CLYBL: variants seen among roughly 807,000 people sequenced by gnomAD.
CLYBL encodes citramalyl-CoA lyase, also known as citramalyl-CoA lyase, mitochondrial.
A neutral mutation model predicts 38.9 loss-of-function variants in CLYBL; 31 were observed. The ratio of observed to expected loss-of-function variants is 0.80; its 90% CI spans 0.60 to 1.08. The LOEUF (loss-of-function observed/expected upper bound fraction) is 1.08, where lower values mean the gene tolerates loss of function less well. CLYBL is among the 50% of genes least tolerant of loss of function. The probability of loss-of-function intolerance (pLI) is 0.00; values close to 1 mark genes in which losing one functional copy is unlikely to be tolerated. For synonymous variants in CLYBL, 171 were observed against 158.6 expected (o/e 1.08, Z -0.59); for missense variants, 434 against 411.6 (o/e 1.05, Z -0.47).
At chr13:99,800,861 G>A (rs2050117454) in intron 2 of CLYBL, among the ~76,000 whole-genome samples, 1 of 147,424 alleles carries the variant, frequency 6.8e-6, no homozygotes, top group South Asian at 2.1e-4. Context: ...GCGGCAGAGT[G>A]AGACCCTGTC....
At chr13:99,615,007 T>G (rs567687482) in intron 1 of CLYBL, among the ~76,000 whole-genome samples, 1 of 152,332 alleles carries the variant, frequency 6.6e-6, no homozygotes, top group Admixed American at 6.5e-5. Flanking sequence ...TCTAGAAATA[T>G]TTCATGGTAG....
At chr13:99,871,179 A>T in intron 7 of CLYBL, 117 bp downstream of exon 7, 1 of 1,177,222 alleles carries the variant, frequency 8.5e-7, no homozygotes, top group South Asian at 1.3e-5. Flanking sequence ...GAGAGGGGGG[A>T]AAGGGAGGGA....
chr13:99,787,777 A>G (rs2049828822), intron 2 of CLYBL, among the ~76,000 whole-genome samples: 1 of 152,212 alleles, frequency 6.6e-6, no homozygotes, highest in Non-Finnish European at 1.5e-5. Flanking sequence ...TTGAATCTAT[A>G]AATTACCTTG....
intron 1 of CLYBL, among the ~76,000 whole-genome samples, chr13:99,634,336 A>G (rs2074254581): frequency 6.6e-6 from 1 of 152,202 alleles, no homozygotes; most frequent in African/African-American, 2.4e-5. Context: ...GAATCTGACT[A>G]TGAGAAATGC....
intron 1 of CLYBL, among the ~76,000 whole-genome samples, chr13:99,706,601 T>C (rs1386791751): frequency 6.6e-6 from 1 of 152,208 alleles, no homozygotes; most frequent in Non-Finnish European, 1.5e-5. Context: ...GCATTCAGTC[T>C]AAATTCAATA....
Position 99,676,014 on chromosome 13 carries a change from C to G in CLYBL, c.62+69257C>G, listed in dbSNP as rs905524157. 4.6e-5 allele frequency among the ~76,000 whole-genome samples: 7 copies of G among 152,162 alleles called. 1 individual carries two copies. The highest frequency in any genetic ancestry group is 1.2e-4 in the African/African-American group (5 of 41,436). On this transcript the variant is annotated intron_variant, in intron 1 of 8. Transcript: ENST00000339105. ...GATCACAGGCACTGTGCCTCCACGC[C>G]TGGCTAATTTTTTGTATTTTTAGTA...
intron 1 of CLYBL, among the ~76,000 whole-genome samples, chr13:99,706,000 C>T (rs149100618): frequency 0.046 from 6,977 of 151,414 alleles, 180 homozygotes; most frequent in African/African-American, 0.054. Flanking sequence ...GGCATGATCT[C>T]GGCTCACTGC....
rs73564243 is a variant in CLYBL at position 99,664,804 on chromosome 13, G to A, written c.62+58047G>A. On this transcript the variant is annotated intron_variant, in intron 1 of 8. Transcript: ENST00000339105. ...TCTATAAAATATGACCAAAAAAACCGGGAAAATAAAATCATCTGATCATGT... is the reference window on the plus strand; with the variant it reads ...TCTATAAAATATGACCAAAAAAACCAGGAAAATAAAATCATCTGATCATGT... Among the ~76,000 whole-genome samples the A allele has an allele frequency of 4.7e-3, 721 of 152,100 alleles. 3 individuals are homozygous for A. The highest frequency in any genetic ancestry group is 0.017 in the African/African-American group (691 of 41,500).
chr13:99,665,678 G>A (rs775579948), intron 1 of CLYBL, among the ~76,000 whole-genome samples: 2 of 151,812 alleles, frequency 1.3e-5, no homozygotes, highest in African/African-American at 2.4e-5. Flanking sequence ...TCTGAGAATC[G>A]AATCGAGCTT....
chr13:99,762,193 TG>T (rs1486650604), intron 1 of CLYBL, among the ~76,000 whole-genome samples: 1 of 152,226 alleles, frequency 6.6e-6, no homozygotes, highest in African/African-American at 2.4e-5. Flanking sequence ...TTGTCTTTTT[TG>T]CTTTGGTTGC....
intron 1 of CLYBL, among the ~76,000 whole-genome samples, chr13:99,644,283 TG>T (rs1190457595): frequency 6.6e-6 from 1 of 151,728 alleles, no homozygotes; most frequent in African/African-American, 2.4e-5. Flanking sequence ...TATGTATGCA[TG>T]TGCAAGCTCT....
chr13:99,749,362 GC>G (rs1018127863), intron 1 of CLYBL, among the ~76,000 whole-genome samples: 7 of 152,132 alleles, frequency 4.6e-5, no homozygotes, highest in African/African-American at 1.4e-4. Context: ...CTCTTGCCAA[GC>G]CTGTCCTTTA....
Position 99,680,186 on chromosome 13 carries a change from C to T in CLYBL, c.62+73429C>T, listed in dbSNP as rs78915189. ...AATGAAAAGCATTCTTTATAAACAT[C>T]GTCTTCCTCCACACATTCACAGGTT... On this transcript the variant is annotated intron_variant, in intron 1 of 8. Coordinates refer to ENST00000339105, the MANE Select transcript of CLYBL (RefSeq NM_206808.5). Among the ~76,000 whole-genome samples, 746 of 152,288 alleles carry T rather than the reference C, an allele frequency of 4.9e-3. 6 individuals carry two copies. The highest frequency in any genetic ancestry group is 0.017 in the African/African-American group (711 of 41,560).
intron 1 of CLYBL, among the ~76,000 whole-genome samples, chr13:99,682,385 G>T (rs1360425696): frequency 6.6e-6 from 1 of 152,040 alleles, no homozygotes; most frequent in Non-Finnish European, 1.5e-5. Flanking sequence ...CTTGTGGTCT[G>T]CCCACCTTGG....
intron 1 of CLYBL, among the ~76,000 whole-genome samples, chr13:99,763,852 C>T (rs1051021138): frequency 9.9e-5 from 15 of 152,030 alleles, no homozygotes; most frequent in African/African-American, 3.4e-4. Flanking sequence ...CGCACCCGGC[C>T]GATCATGGTG....
chr13:99,825,592 G>T (rs1378530647), intron 2 of CLYBL, among the ~76,000 whole-genome samples: 1 of 152,136 alleles, frequency 6.6e-6, no homozygotes, highest in Admixed American at 6.5e-5. Flanking sequence ...GGGGAAGGGG[G>T]CCTGCTTCTC....
At chr13:99,870,376 A>T (rs1566361316) in intron 6 of CLYBL, among the ~76,000 whole-genome samples, 1 of 152,220 alleles carries the variant, frequency 6.6e-6, no homozygotes, top group Non-Finnish European at 1.5e-5. Flanking sequence ...TTCATTTAAA[A>T]GAAAAACAAT....
intron 1 of CLYBL, among the ~76,000 whole-genome samples, chr13:99,717,453 AAAAAG>A (rs1419039279): frequency 4.7e-5 from 7 of 150,092 alleles, no homozygotes; most frequent in Middle Eastern, 6.8e-3. Flanking sequence ...AAAAAAAAAA[AAAAAG>A]AATTATTTTT....
At chr13:99,684,646 C>T (rs2047791600) in intron 1 of CLYBL, among the ~76,000 whole-genome samples, 3 of 152,156 alleles carry the variant, frequency 2.0e-5, no homozygotes, top group African/African-American at 7.2e-5. Flanking sequence ...GAATGTTCAC[C>T]AGGGCAGATT....
Sources: gnomAD v4.1 joint callset for allele counts (sites outside exome capture counted in the v4.1 genomes callset) on GRCh38, gnomAD v4.1.1 for gene constraint, MANE v1.5 for transcripts, NCBI Gene and HGNC (gene_info 2026-07-23, HGNC 2026-07-21) for gene names.